The following IVD variants were observed in gnomAD, a reference collection of about 807,000 sequenced individuals.
The protein encoded by IVD is isovaleryl-CoA dehydrogenase.
IVD carries 31 observed loss-of-function variants against 51.3 expected under a neutral mutation model. The observed-to-expected ratio is 0.60, with a 90% CI of 0.45 to 0.81. The LOEUF (loss-of-function observed/expected upper bound fraction) is 0.81, where lower values mean the gene tolerates loss of function less well. Among genes scored for constraint, IVD ranks in the 40% least tolerant of loss-of-function variants. IVD has a pLI of 0.00. For synonymous variants in IVD, 205 were observed against 219.4 expected, an observed-to-expected ratio of 0.93 and a Z score of 0.58; for missense variants, 475 against 552.0, an observed-to-expected ratio of 0.86 and a Z score of 1.40.
At chr15:40,431,408 T>A (rs976299064) in intron 7 of IVD, among the ~76,000 whole-genome samples, 2 of 152,074 alleles carry the variant, frequency 1.3e-5, no homozygotes, top group African/African-American at 4.8e-5. Context: ...ATTAAGAGTA[T>A]GTGTAGGCCG....
intron 8 of IVD, among the ~76,000 whole-genome samples, chr15:40,434,350 G>T (rs148846859): frequency 3.9e-5 from 6 of 152,168 alleles, no homozygotes; most frequent in Non-Finnish European, 8.8e-5. Flanking sequence ...TTGCTCAAAG[G>T]CTATTAGTTT....
chr15:40,419,112 G>C lies in IVD; in HGVS notation c.*849G>C. The C allele has an allele frequency of 7.8e-7, 1 of 1,278,288 alleles. No homozygotes were observed. The highest frequency in any genetic ancestry group is 1.0e-6 in the Non-Finnish European group (1 of 978,974). The allele number at this position is 1,278,288 out of a possible 1,614,324, so 79.2% of individuals were successfully genotyped here. ...GCTTGTGCCATTGCACTCCAGCCTG[G>C]GCGACAAGAGCAAAACTCTTCAAAA... On this transcript the variant is annotated 3_prime_UTR_variant, in exon 12 of 12. Coordinates refer to ENST00000487418, the MANE Select transcript of IVD (RefSeq NM_002225.5).
chr15:40,408,886 G>T (rs1479514957), intron 3 of IVD, among the ~76,000 whole-genome samples: 2 of 152,020 alleles, frequency 1.3e-5, no homozygotes. Flanking sequence ...GGAGGCGGAG[G>T]TTGCAGTGAG....
intron 11 of IVD, among the ~76,000 whole-genome samples, chr15:40,417,596 A>G (rs1297589779): frequency 6.6e-6 from 1 of 151,786 alleles, no homozygotes; most frequent in Non-Finnish European, 1.5e-5. Context: ...GTGTTGTGCC[A>G]TGCTGCTCTG....
rs1891106227 is a variant in IVD at position 40,411,702 on chromosome 15, G to A, written c.687+11G>A. ...TTCATTGTGGAGAAGGTGAGTATAG[G>A]TGGGTGCAGGGCCAGGAGGCTTCTG... is the stretch of plus-strand genomic sequence containing the variant. On this transcript the variant is annotated intron_variant, in intron 6 of 11. Coordinates refer to ENST00000487418, the MANE Select transcript of IVD (RefSeq NM_002225.5). 2 of 1,613,988 alleles carry A rather than the reference G, an allele frequency of 1.2e-6. No homozygotes were observed. Among genetic ancestry groups the A allele is most frequent in the Admixed American group, 3.3e-5 (2 of 60,004 alleles).
In IVD at chr15:40,421,291, CA is replaced by C. The variant is rs5812161; in HGVS notation, c.*3036del. ...AAAATAAATGTTTTAAAATTAAAAG[CA>C]AAAAAAACAAAATGAACCATGCAGC... On this transcript the variant is annotated 3_prime_UTR_variant, in exon 12 of 12. Coordinates refer to ENST00000487418, the MANE Select transcript of IVD (RefSeq NM_002225.5). The C allele has an allele frequency of 0.51, 498,725 of 984,740 alleles. 129,494 individuals carry two copies. Among genetic ancestry groups the C allele is most frequent in the East Asian group, 0.79 (6,971 of 8,794 alleles). The allele number at this position is 984,740 out of a possible 1,614,324, so 61.0% of individuals were successfully genotyped here. A position where few individuals can be genotyped will look rare whatever the true frequency, so the allele number is the denominator to read the frequency against.
At chr15:40,415,603 C>G in intron 9 of IVD, 121 bp downstream of exon 9, 2 of 856,218 alleles carry the variant, frequency 2.3e-6, no homozygotes, top group South Asian at 2.9e-5. Context: ...TTGAGCTTGA[C>G]TGCTTGGAAT....
chr15:40,430,561 AT>A (rs1671716446), intron 7 of IVD, among the ~76,000 whole-genome samples: 1 of 152,204 alleles, frequency 6.6e-6, no homozygotes, highest in African/African-American at 2.4e-5. Context: ...GGCAGAGTGG[AT>A]GCGGGAGGCT....
chr15:40,405,927 C>T lies in IVD; in HGVS notation c.100C>T (p.Pro34Ser), dbSNP rs370669935. ...FVSQRAHSLL[P>S]VDDAINGLSE... is the part of the protein sequence containing the mutation. ...TTCCCAGCGGGCCCACTCGCTTTTG[C>T]CCGTGGACGATGCAATCAATGGGCT... The change falls in exon 1 of 12, where the codon CCC (proline) becomes TCC (serine). Residue 34 changes from proline to serine, a missense_variant. By Grantham distance (74) the Pro-to-Ser change is moderately conservative (BLOSUM62 -1). Transcript: ENST00000487418. The T allele has an allele frequency of 2.5e-6, 4 of 1,612,942 alleles. No homozygotes were observed. The highest frequency in any genetic ancestry group is 3.4e-6 in the Non-Finnish European group (4 of 1,179,782).
chr15:40,425,021 C>T (rs1207229068), downstream of IVD, among the ~76,000 whole-genome samples: 2 of 152,182 alleles, frequency 1.3e-5, no homozygotes, highest in Non-Finnish European at 2.9e-5. Flanking sequence ...AGAAGGGAGG[C>T]CCTCATCCCC....
intron 1 of IVD, 118 bp downstream of exon 1, chr15:40,406,089 G>C: frequency 7.2e-6 from 11 of 1,531,922 alleles, no homozygotes; most frequent in Non-Finnish European, 9.7e-6. Context: ...TTTTGCCCGT[G>C]GGCCGTTGGG....
chr15:40,411,766 TC>T, intron 6 of IVD, 75 bp downstream of exon 6: 2 of 1,536,370 alleles, frequency 1.3e-6, no homozygotes, highest in Non-Finnish European at 1.8e-6. Flanking sequence ...CGTTCACTGA[TC>T]TCAAATGGAA....
chr15:40,406,165 A>C (rs1890386754), intron 1 of IVD, 194 bp downstream of exon 1: 1 of 1,537,952 alleles, frequency 6.5e-7, no homozygotes, highest in South Asian at 1.2e-5. Context: ...CCTCGGCCTC[A>C]CGTCTGTGGA....
In IVD at chr15:40,418,746, T is replaced by A; in HGVS notation, c.*483T>A. The A allele has an allele frequency of 9.1e-7, 1 of 1,098,522 alleles. No homozygotes were observed. Among genetic ancestry groups the A allele is most frequent in the Non-Finnish European group, 1.1e-6 (1 of 897,354 alleles). 68.0% of individuals were successfully genotyped at this position (1,098,522 alleles called of 1,614,324 possible). A position where few individuals can be genotyped will look rare whatever the true frequency, so the allele number is the denominator to read the frequency against. On this transcript the variant is annotated 3_prime_UTR_variant, in exon 12 of 12. Coordinates refer to ENST00000487418, the MANE Select transcript of IVD (RefSeq NM_002225.5). Reference sequence around the variant, plus strand: ...ATTGGAACTTGGTACAGGTTAAGTATCCCTAATCCTGAAATCTGAAACACT... The same window carrying A: ...ATTGGAACTTGGTACAGGTTAAGTAACCCTAATCCTGAAATCTGAAACACT...
intron 2 of IVD, 29 bp downstream of exon 2, chr15:40,407,754 G>C (rs1281644478): frequency 2.4e-5 from 39 of 1,592,620 alleles, no homozygotes; most frequent in Non-Finnish European, 3.0e-5. Flanking sequence ...GCAGTCGGGG[G>C]CAGTCAGGGA....
At chr15:40,425,298 T>C (rs1041971693), downstream of IVD, among the ~76,000 whole-genome samples, 11 of 151,984 alleles carry the variant, frequency 7.2e-5, no homozygotes, top group African/African-American at 2.2e-4. Context: ...CTCCTTGACA[T>C]ATTCTCCCCA....
chr15:40,417,992 C>G, intron 11 of IVD, 138 bp from the exon 12 acceptor site: 1 of 1,235,426 alleles, frequency 8.1e-7, no homozygotes, highest in Non-Finnish European at 1.1e-6. Flanking sequence ...CCCCACACCC[C>G]TCCCTCTTGC....
chr15:40,434,669 C>CCA (rs1893168436), intron 8 of IVD, among the ~76,000 whole-genome samples: 1 of 152,150 alleles, frequency 6.6e-6, no homozygotes, highest in Non-Finnish European at 1.5e-5. Flanking sequence ...ACCTGAGCTT[C>CCA]GGGAGACCTT....
chr15:40,412,767 A>G (rs1672256858), intron 6 of IVD: 3 of 554,242 alleles, frequency 5.4e-6, no homozygotes, highest in South Asian at 2.0e-5. Context: ...AAGTGTCCCC[A>G]TGAGAACTGG....
Sources: allele counts gnomAD v4.1 joint callset (sites outside exome capture counted in the v4.1 genomes callset), GRCh38; gene constraint gnomAD v4.1.1; transcripts MANE v1.5; gene names NCBI Gene and HGNC (gene_info 2026-07-23, HGNC 2026-07-21).